Variants in CSRNP3 observed in about 807,000 individuals in gnomAD.
CSRNP3 encodes the protein cysteine/serine-rich nuclear protein 3.
CSRNP3 carries 12 observed loss-of-function variants against 48.0 expected under a neutral mutation model. The observed-to-expected ratio is 0.25, with a 90% CI of 0.16 to 0.41. The LOEUF is 0.41. Ranked by LOEUF, CSRNP3 falls within the 10% of genes least tolerant of loss-of-function variation. The probability of loss-of-function intolerance (pLI) is 1.00; values close to 1 mark genes in which losing one functional copy is unlikely to be tolerated. For synonymous variants in CSRNP3, 263 were observed against 269.7 expected (o/e 0.98, Z 0.24); for missense variants, 580 against 724.4 (o/e 0.80, Z 2.29).
chr2:165,482,034 A>G (rs1684050940), intron 1 of CSRNP3, among the ~76,000 whole-genome samples: 1 of 152,078 alleles, frequency 6.6e-6, no homozygotes, highest in Non-Finnish European at 1.5e-5. Flanking sequence ...GTGACATACA[A>G]TTTACACATG....
chr2:165,590,386 G>T (rs554789310), intron 3 of CSRNP3, among the ~76,000 whole-genome samples: 7 of 152,300 alleles, frequency 4.6e-5, no homozygotes, highest in African/African-American at 1.4e-4. Flanking sequence ...CTTCTTGAGG[G>T]CAGGTAACCA....
At chr2:165,476,874 T>C (rs1013341222) in intron 1 of CSRNP3, among the ~76,000 whole-genome samples, 6 of 152,190 alleles carry the variant, frequency 3.9e-5, no homozygotes, top group Non-Finnish European at 8.8e-5. Flanking sequence ...GTGTGCAATT[T>C]TTAGTTGTTG....
chr2:165,487,845 C>G (rs1684143675), intron 1 of CSRNP3, among the ~76,000 whole-genome samples: 1 of 146,534 alleles, frequency 6.8e-6, no homozygotes, highest in South Asian at 2.1e-4. Context: ...AAAATCATGC[C>G]AAAATGTAAA....
intron 1 of CSRNP3, among the ~76,000 whole-genome samples, chr2:165,482,490 C>T (rs931452919): frequency 1.3e-5 from 2 of 152,038 alleles, no homozygotes; most frequent in Non-Finnish European, 2.9e-5. Flanking sequence ...GTCTCAAACT[C>T]GTGACCTCAA....
chr2:165,571,145 T>A (rs1314609411), intron 3 of CSRNP3, among the ~76,000 whole-genome samples: 1 of 151,982 alleles, frequency 6.6e-6, no homozygotes, highest in Non-Finnish European at 1.5e-5. Flanking sequence ...TTTTAATTAC[T>A]GAATTATTTA....
rs149930944 is a variant in CSRNP3 at position 165,516,871 on chromosome 2, T to C, written c.-112-1002T>C. Among the ~76,000 whole-genome samples the C allele has an allele frequency of 2.6e-3, 389 of 152,264 alleles. 3 individuals are homozygous for C. The highest frequency in any genetic ancestry group is 8.4e-3 in the African/African-American group (348 of 41,586). On this transcript the variant is annotated intron_variant, in intron 2 of 6. Coordinates refer to ENST00000651982, the MANE Select transcript of CSRNP3 (RefSeq NM_001172173.2). ...GAGAATCTTGGCGGCACAATTTGCC[T>C]GAGACAAATTTTTTTCTTAAAGATT...
intron 4 of CSRNP3, among the ~76,000 whole-genome samples, chr2:165,652,944 T>A (rs1686938889): frequency 6.6e-6 from 1 of 152,208 alleles, no homozygotes; most frequent in South Asian, 2.1e-4. Flanking sequence ...TACTGAACTC[T>A]GTAGAGACAC....
At chr2:165,520,154 G>A (rs1380787580) in intron 3 of CSRNP3, among the ~76,000 whole-genome samples, 1 of 152,094 alleles carries the variant, frequency 6.6e-6, no homozygotes, top group Non-Finnish European at 1.5e-5. Context: ...CTATCTATGT[G>A]CATTTTTATT....
chr2:165,486,305 A>G (rs12151453), intron 1 of CSRNP3, among the ~76,000 whole-genome samples: 1 of 151,946 alleles, frequency 6.6e-6, no homozygotes, highest in Non-Finnish European at 1.5e-5. Flanking sequence ...CGCCCACAGA[A>G]TCTCGCTGAT....
intron 4 of CSRNP3, among the ~76,000 whole-genome samples, chr2:165,635,295 A>G (rs535882928): frequency 6.6e-6 from 1 of 152,342 alleles, no homozygotes; most frequent in South Asian, 2.1e-4. Context: ...TTTTCTCTGT[A>G]TATTTATAAA....
intron 2 of CSRNP3, among the ~76,000 whole-genome samples, chr2:165,500,557 A>T (rs1301999437): frequency 6.6e-6 from 1 of 151,680 alleles, no homozygotes; most frequent in Non-Finnish European, 1.5e-5. Flanking sequence ...TCCCGGGCTC[A>T]AGTGATTCTC....
chr2:165,652,295 C>T lies in CSRNP3; in HGVS notation c.149-5466C>T, dbSNP rs369631781. 6.6e-4 allele frequency among the ~76,000 whole-genome samples: 100 copies of T among 151,704 alleles called. 1 individual carries two copies. The highest frequency in any genetic ancestry group is 2.0e-3 in the East Asian group (10 of 5,000). On this transcript the variant is annotated intron_variant, in intron 4 of 6. Coordinates refer to ENST00000651982, the MANE Select transcript of CSRNP3 (RefSeq NM_001172173.2). ...GGGAGGCTGAGGCAGGCGGATCATG[C>T]GGTCAGGAGATTGAGATCATCCTGG...
In CSRNP3 at chr2:165,485,863, T is replaced by G. The variant is rs190028761; in HGVS notation, c.-282-8896T>G. On this transcript the variant is annotated intron_variant, in intron 1 of 6. Transcript: ENST00000651982. ...CAGTAGCACCACAAGTGGTACAAGG[T>G]ATCTGGATGATTCTTATTTTAAATC... Among the ~76,000 whole-genome samples, 71 of 152,324 alleles carry G rather than the reference T, an allele frequency of 4.7e-4. 1 individual carries two copies. Among genetic ancestry groups the G allele is most frequent in the Non-Finnish European group, 8.5e-4 (58 of 68,018 alleles).
At chr2:165,608,108 G>A (rs940715899) in intron 4 of CSRNP3, among the ~76,000 whole-genome samples, 2 of 150,300 alleles carry the variant, frequency 1.3e-5, no homozygotes, top group African/African-American at 4.9e-5. Context: ...AAGTTTAATC[G>A]AATATTTTAT....
chr2:165,644,784 A>G (rs1686784430), intron 4 of CSRNP3, among the ~76,000 whole-genome samples: 1 of 152,206 alleles, frequency 6.6e-6, no homozygotes, highest in South Asian at 2.1e-4. Flanking sequence ...TGCTCAAGTA[A>G]TTCTTCTATC....
intron 4 of CSRNP3, among the ~76,000 whole-genome samples, chr2:165,604,257 T>C (rs1685972529): frequency 6.6e-6 from 1 of 152,228 alleles, no homozygotes; most frequent in Non-Finnish European, 1.5e-5. Flanking sequence ...ACACATCTTA[T>C]CTTTTCTTGG....
intron 4 of CSRNP3, among the ~76,000 whole-genome samples, chr2:165,637,348 A>G (rs923242844): frequency 3.3e-5 from 5 of 152,258 alleles, no homozygotes; most frequent in African/African-American, 7.2e-5. Context: ...TGGAAACACT[A>G]CTACCCAGTG....
chr2:165,553,222 C>T (rs1163289160), intron 3 of CSRNP3, among the ~76,000 whole-genome samples: 1 of 152,162 alleles, frequency 6.6e-6, no homozygotes, highest in East Asian at 1.9e-4. Flanking sequence ...TGATCAGAAT[C>T]CTATAGCTCT....
intron 5 of CSRNP3, among the ~76,000 whole-genome samples, chr2:165,668,248 C>G (rs116553647): frequency 0.02 from 3,080 of 152,188 alleles, 110 homozygotes; most frequent in African/African-American, 0.07. Flanking sequence ...CTGATGTCCT[C>G]TCCATTAGAA....
Sources: allele counts gnomAD v4.1 joint callset (sites outside exome capture counted in the v4.1 genomes callset), GRCh38; gene constraint gnomAD v4.1.1; transcripts MANE v1.5; gene names NCBI Gene and HGNC (gene_info 2026-07-23, HGNC 2026-07-21).